The following TMPRSS11A variants were observed in gnomAD, a reference collection of about 807,000 sequenced individuals.
TMPRSS11A encodes the protein transmembrane protease serine 11A.
TMPRSS11A carries 53 observed loss-of-function variants against 58.9 expected under a neutral mutation model. The ratio of observed to expected loss-of-function variants is 0.90; its 90% CI spans 0.72 to 1.13. The LOEUF (loss-of-function observed/expected upper bound fraction) is 1.13. Among genes scored for constraint, TMPRSS11A ranks in the 50% most tolerant of loss-of-function variants. The pLI is 0.00. For missense variants in TMPRSS11A, 493 were observed against 499.3 expected (o/e 0.99, Z 0.12); for synonymous variants, 167 against 169.8 (o/e 0.98, Z 0.13).
intron 3 of TMPRSS11A, among the ~76,000 whole-genome samples, chr4:67,936,539 G>A (rs2109753764): frequency 6.6e-6 from 1 of 152,148 alleles, no homozygotes; most frequent in South Asian, 2.1e-4. Context: ...TGGGTGTGGA[G>A]GGTGCCATGA....
At chr4:67,934,384 T>C (rs1026465788) in intron 3 of TMPRSS11A, among the ~76,000 whole-genome samples, 1 of 152,208 alleles carries the variant, frequency 6.6e-6, no homozygotes, top group African/African-American at 2.4e-5. Context: ...AGATGATGGC[T>C]TTCATTATTA....
At chr4:67,916,251 A>C (rs188160818) in intron 8 of TMPRSS11A, among the ~76,000 whole-genome samples, 19 of 152,284 alleles carry the variant, frequency 1.2e-4, no homozygotes, top group African/African-American at 4.6e-4. Context: ...TGGTAAGTAC[A>C]TGCAATTTTA....
chr4:67,915,728 G>C (rs1459047807), intron 8 of TMPRSS11A, among the ~76,000 whole-genome samples: 1 of 152,166 alleles, frequency 6.6e-6, no homozygotes, highest in Non-Finnish European at 1.5e-5. Context: ...AAGGAATTCT[G>C]CCAGCAAACC....
In TMPRSS11A at chr4:67,939,180, A is replaced by G. The variant is rs537252614; in HGVS notation, c.252+5339T>C. Among the ~76,000 whole-genome samples the G allele has an allele frequency of 4.2e-4, 64 of 151,280 alleles. 1 individual carries two copies. The South Asian group carries it at 0.013, about 30-fold the overall frequency. ...ATTTCATTTGTGTGTGTGTGTCGCT[A>G]TTGAAAATGGGATTGTGTTCTTGAT... On this transcript the variant is annotated intron_variant, in intron 3 of 9. Coordinates refer to ENST00000508048, the MANE Select transcript of TMPRSS11A (RefSeq NM_001114387.2).
chr4:67,917,348 G>A (rs962657544), intron 8 of TMPRSS11A, among the ~76,000 whole-genome samples: 15 of 151,522 alleles, frequency 9.9e-5, no homozygotes, highest in Admixed American at 3.9e-4. Flanking sequence ...AAATTTCTTC[G>A]AGATATTCTC....
chr4:67,949,190 T>C (rs1721096116), intron 1 of TMPRSS11A, among the ~76,000 whole-genome samples: 2 of 151,872 alleles, frequency 1.3e-5, no homozygotes, highest in African/African-American at 4.8e-5. Context: ...ATGGAGAAAG[T>C]AGATAAAAGA....
chr4:67,940,022 G>C (rs1720843415), intron 3 of TMPRSS11A, among the ~76,000 whole-genome samples: 1 of 152,126 alleles, frequency 6.6e-6, no homozygotes, highest in Non-Finnish European at 1.5e-5. Flanking sequence ...TTCGGTTTAT[G>C]TGGTAAATCG....
chr4:67,909,678 C>A lies in TMPRSS11A; in HGVS notation c.*1664G>T, dbSNP rs917966626. The A allele has an allele frequency of 5.3e-5, 8 of 152,078 alleles. No homozygotes were observed. Among genetic ancestry groups the A allele is most frequent in the Non-Finnish European group, 1.2e-4 (8 of 67,982 alleles). 9.4% of individuals were successfully genotyped at this position (152,078 alleles called of 1,614,324 possible). ...TAAATGAATCTCGTCATTTAAAATT[C>A]TTATCTTAAGAGTTTTCTATCTTAA... On this transcript the variant is annotated 3_prime_UTR_variant, in exon 10 of 10. Coordinates refer to ENST00000508048, the MANE Select transcript of TMPRSS11A (RefSeq NM_001114387.2).
rs1232210795 is a variant in TMPRSS11A, at chr4:67,961,513, T to C, written c.11+1870A>G. On this transcript the variant is annotated intron_variant, in intron 1 of 9. Coordinates refer to ENST00000508048, the MANE Select transcript of TMPRSS11A (RefSeq NM_001114387.2). ...TTTTTTTTTTTTTTTTTTTTTTTTT[T>C]TTTTTTTTTTTTTTTTGAGACAGAG... Among the ~76,000 whole-genome samples, 122 of 19,508 alleles carry C rather than the reference T, an allele frequency of 6.3e-3. 7 individuals carry two copies. Among genetic ancestry groups the C allele is most frequent in the African/African-American group, 0.012 (87 of 7,146 alleles). The allele number at this position is 19,508 out of a possible 152,430, so 12.8% of individuals were successfully genotyped here.
At chr4:67,931,292 G>T (rs1043806232) in intron 4 of TMPRSS11A, among the ~76,000 whole-genome samples, 1 of 152,118 alleles carries the variant, frequency 6.6e-6, no homozygotes, top group Non-Finnish European at 1.5e-5. Flanking sequence ...TAGTCTATTG[G>T]TGAGAAAGGG....
chr4:67,960,224 C>T (rs922116659), intron 1 of TMPRSS11A, among the ~76,000 whole-genome samples: 1 of 152,246 alleles, frequency 6.6e-6, no homozygotes. Context: ...ATGCCCACTA[C>T]CTGGGTGCAA....
chr4:67,919,043 T>C lies in TMPRSS11A; in HGVS notation c.882A>G (p.Pro294=), dbSNP rs1720239734. The C allele has an allele frequency of 6.2e-7, 1 of 1,614,064 alleles. No homozygotes were observed. Among genetic ancestry groups the C allele is most frequent in the African/African-American group, 1.3e-5 (1 of 74,928 alleles). ...TTGGTTGGAAGGATGCAGAGGCTTC[T>C]GGCAAACAAATCTGGCGTATGTCAT... The part of the protein sequence containing the change: ...FSDDIRQICL[P]EASASFQPNL... The change falls in exon 8 of 10, where the codon CCA becomes CCG. Residue 294 remains proline (P), a synonymous_variant. Transcript: ENST00000508048.
intron 1 of TMPRSS11A, among the ~76,000 whole-genome samples, chr4:67,961,494 T>C (rs1577876182): frequency 0.013 from 9 of 706 alleles, no homozygotes; most frequent in South Asian, 0.17. Flanking sequence ...TTTTTTTTTT[T>C]TTTTTTTTTT....
chr4:67,922,582 C>T (rs2109740906), intron 7 of TMPRSS11A, among the ~76,000 whole-genome samples, 173 bp downstream of exon 7: 1 of 152,152 alleles, frequency 6.6e-6, no homozygotes, highest in African/African-American at 2.4e-5. Flanking sequence ...TTACTTATTC[C>T]CATCAAATTT....
At chr4:67,918,927 C>A (rs769898552) in intron 8 of TMPRSS11A, 46 bp downstream of exon 8, 1 of 1,603,678 alleles carries the variant, frequency 6.2e-7, no homozygotes, top group African/African-American at 1.3e-5. Flanking sequence ...AATCACATTG[C>A]CTTAGACAGG....
In TMPRSS11A at chr4:67,944,584, T is replaced by C; in HGVS notation, c.187A>G (p.Asn63Asp). The C allele has an allele frequency of 1.2e-6, 2 of 1,613,082 alleles. No individual in the cohort carries two copies. The highest frequency in any genetic ancestry group is 1.7e-6 in the Non-Finnish European group (2 of 1,179,180). Reference sequence around the variant, plus strand: ...GTGTTGCTTTGTCCGAAATTGTTATTGATTTGTGGATCTAAAATTTTAAAG... The same window carrying C: ...GTGTTGCTTTGTCCGAAATTGTTATCGATTTGTGGATCTAAAATTTTAAAG... Reference protein sequence around the residue: ...GSFKILDPQINNNFGQSNTYQ... With the variant: ...GSFKILDPQIDNNFGQSNTYQ... Residue 63 changes from asparagine to aspartate, a missense_variant, in exon 3 of 10, where the codon AAT becomes GAT. Transcript: ENST00000508048.
At position 67,911,540 on chromosome 4, in the gene TMPRSS11A, A is replaced by G. The variant is rs769556322; in HGVS notation, c.1096-37T>C. 9 of 1,558,652 alleles carry G rather than the reference A, an allele frequency of 5.8e-6. No homozygotes were observed. In the Admixed American group the frequency reaches 1.4e-4, roughly 25 times the overall value. On this transcript the variant is annotated intron_variant, in intron 9 of 9. Coordinates refer to ENST00000508048, the MANE Select transcript of TMPRSS11A (RefSeq NM_001114387.2). ...AACATAAGAAAAAAGAAAGAAAATT[A>G]GCTAAACATAAAGCTCATTATTTAA...
At position 67,963,476 on chromosome 4, in the gene TMPRSS11A, A is replaced by G; in HGVS notation, c.-83T>C. 3.5e-6 allele frequency: 5 copies of G among 1,434,380 alleles called. No individual in the cohort carries two copies. Among genetic ancestry groups the G allele is most frequent in the Non-Finnish European group, 4.8e-6 (5 of 1,031,614 alleles). The allele number at this position is 1,434,380 out of a possible 1,614,324, so 88.9% of individuals were successfully genotyped here. On this transcript the variant is annotated 5_prime_UTR_variant, in exon 1 of 10. Coordinates refer to ENST00000508048, the MANE Select transcript of TMPRSS11A (RefSeq NM_001114387.2). ...TCAACTATATGACATCTCTAGATGTATTAGAAGTCTACGGCTCAAAGAAAT... is the reference window on the plus strand; with the variant it reads ...TCAACTATATGACATCTCTAGATGTGTTAGAAGTCTACGGCTCAAAGAAAT...
At chr4:67,925,104 T>C (rs372192004) in intron 5 of TMPRSS11A, among the ~76,000 whole-genome samples, 2 of 152,286 alleles carry the variant, frequency 1.3e-5, no homozygotes, top group Admixed American at 6.5e-5. Context: ...GAATAAACTG[T>C]TATGTGTTTC....
Sources: gnomAD v4.1 joint callset for allele counts (sites outside exome capture counted in the v4.1 genomes callset) on GRCh38, gnomAD v4.1.1 for gene constraint, MANE v1.5 for transcripts, NCBI Gene and HGNC (gene_info 2026-07-23, HGNC 2026-07-21) for gene names.